The following DNAH7 variants were observed in gnomAD, a reference collection of about 807,000 sequenced individuals.
DNAH7 encodes dynein axonemal heavy chain 7.
In DNAH7, 397 loss-of-function variants were observed where a neutral mutation model predicts 444.6. The ratio of observed to expected loss-of-function variants is 0.89; its 90% CI spans 0.82 to 0.97. The LOEUF is 0.97. DNAH7 is among the 50% of genes least tolerant of loss of function. The pLI is 0.00. For missense variants in DNAH7, 4,902 were observed against 4,800.8 expected (o/e 1.02, Z -0.62); for synonymous variants, 1,636 against 1,624.4 (o/e 1.01, Z -0.17).
intron 15 of DNAH7, among the ~76,000 whole-genome samples, chr2:195,973,405 ATTCC>A (rs1352685419): frequency 6.6e-6 from 1 of 152,004 alleles, no homozygotes; most frequent in Non-Finnish European, 1.5e-5. Context: ...TTTACTGTAA[ATTCC>A]ACTTTTTCCT....
At chr2:196,003,512 T>C (rs1280767483) in intron 10 of DNAH7, among the ~76,000 whole-genome samples, 1 of 152,184 alleles carries the variant, frequency 6.6e-6, no homozygotes, top group Non-Finnish European at 1.5e-5. Context: ...AATAGATCAG[T>C]GAAGGAAAAG....
intron 24 of DNAH7, 80 bp from the exon 25 acceptor site, chr2:195,910,275 A>C: frequency 1.6e-6 from 2 of 1,233,816 alleles, no homozygotes; most frequent in Admixed American, 3.0e-5. Context: ...GAAAAAGGTT[A>C]AATTGAGAAC....
At position 195,856,827 on chromosome 2, in the gene DNAH7, AT is replaced by A. The variant is rs892202646; in HGVS notation, c.8414+549del. 1.1e-4 allele frequency among the ~76,000 whole-genome samples: 17 copies of A among 151,666 alleles called. No homozygotes were observed. The South Asian group carries it at 1.7e-3, about 15-fold the overall frequency. ...CAACTAAACCTCTGTGTGATGGTGG[AT>A]TTTTTTTTAATATACTTTAATTAAA... On this transcript the variant is annotated intron_variant, in intron 44 of 64. Transcript: ENST00000312428.
chr2:196,040,215 A>G (rs13422736), intron 5 of DNAH7, among the ~76,000 whole-genome samples: 2 of 152,192 alleles, frequency 1.3e-5, no homozygotes, highest in African/African-American at 4.8e-5. Flanking sequence ...TTCCTAACTC[A>G]TTCTACAAGG....
chr2:195,877,444 T>A (rs1701126446), intron 36 of DNAH7, among the ~76,000 whole-genome samples: 1 of 152,252 alleles, frequency 6.6e-6, no homozygotes, highest in South Asian at 2.1e-4. Flanking sequence ...TTGCATTAAA[T>A]GCTTGCAGCA....
chr2:195,923,653 T>G lies in DNAH7; in HGVS notation c.3767A>C (p.Lys1256Thr). The G allele has an allele frequency of 1.9e-6, 3 of 1,614,172 alleles. No homozygotes were observed. The highest frequency in any genetic ancestry group is 2.5e-6 in the Non-Finnish European group (3 of 1,180,014). ...AAAGTCAGAGTCATCGCTAATATTT[T>G]TTTTTACAAGTGATGAGAGGACATC... is the stretch of plus-strand genomic sequence containing the variant. Reference protein sequence around the residue: ...ARDVLSSLVKKNISDDSDFEW... With the variant: ...ARDVLSSLVKTNISDDSDFEW... Residue 1256 changes from lysine (K) to threonine (T), a missense_variant, in exon 23 of 65, where the codon AAA (lysine) becomes ACA (threonine). Physicochemically the swap from Lys to Thr is moderately conservative, Grantham distance 78 (BLOSUM62 -1). Coordinates refer to ENST00000312428, the MANE Select transcript of DNAH7 (RefSeq NM_018897.3).
At position 195,865,956 on chromosome 2, in the gene DNAH7, G is replaced by A. The variant is rs543220071; in HGVS notation, c.6634-935C>T. ...GGCCATGTGAGGACACAGAGACAAGGTGGCTTTAGCAAGCCAGCGTGAGAA... is the reference window on the plus strand; with the variant it reads ...GGCCATGTGAGGACACAGAGACAAGATGGCTTTAGCAAGCCAGCGTGAGAA... On this transcript the variant is annotated intron_variant, in intron 40 of 64. Coordinates refer to ENST00000312428, the MANE Select transcript of DNAH7 (RefSeq NM_018897.3). Among the ~76,000 whole-genome samples, 4 of 152,270 alleles carry A rather than the reference G, an allele frequency of 2.6e-5. No homozygotes were observed. In the South Asian group the frequency reaches 8.3e-4, roughly 32 times the overall value.
chr2:195,936,624 G>A lies in DNAH7; in HGVS notation c.3247C>T (p.Leu1083=), dbSNP rs753518251. 5.0e-6 allele frequency: 8 copies of A among 1,599,236 alleles called. No individual in the cohort carries two copies. In the African/African-American group the frequency reaches 8.1e-5, roughly 16 times the overall value. The change falls in exon 20 of 65, where the codon CTA becomes TTA. Residue 1083 remains leucine (L), a synonymous_variant. Coordinates refer to ENST00000312428, the MANE Select transcript of DNAH7 (RefSeq NM_018897.3). ...FLSNDELLEI[L]SETKDPTRVQ... ...CTAGTGGGATCTTTAGTCTCAGATAGTATCTCAAGAAGTTCATCATTGGAC... is the reference window on the plus strand; with the variant it reads ...CTAGTGGGATCTTTAGTCTCAGATAATATCTCAAGAAGTTCATCATTGGAC...
chr2:195,766,167 A>ATTTTTTTTTTT lies in DNAH7; in HGVS notation c.11433+5482_11433+5492dup, dbSNP rs755912873. Among the ~76,000 whole-genome samples, 257 of 57,324 alleles carry ATTTTTTTTTTT rather than the reference A, an allele frequency of 4.5e-3. 41 individuals carry two copies. The highest frequency in any genetic ancestry group is 5.6e-3 in the Non-Finnish European group (151 of 26,860). The allele number at this position is 57,324 out of a possible 152,430, so 37.6% of individuals were successfully genotyped here. A position where few individuals can be genotyped will look rare whatever the true frequency, so the allele number is the denominator to read the frequency against. ...GTTCTCGTTTAATTTGTGGGAGCTA[A>ATTTTTTTTTTT]TTTTTTTTTTTTTTTTTTTTTTTTG... On this transcript the variant is annotated intron_variant, in intron 61 of 64. Coordinates refer to ENST00000312428, the MANE Select transcript of DNAH7 (RefSeq NM_018897.3).
At chr2:196,057,539 TATGA>T (rs1213757172) in intron 2 of DNAH7, among the ~76,000 whole-genome samples, 1 of 151,366 alleles carries the variant, frequency 6.6e-6, no homozygotes, top group Non-Finnish European at 1.5e-5. Context: ...GTATTATTAA[TATGA>T]ATAAGTACAC....
chr2:195,924,020 G>A (rs368560033), intron 22 of DNAH7, among the ~76,000 whole-genome samples: 128 of 152,152 alleles, frequency 8.4e-4, no homozygotes, highest in African/African-American at 3.0e-3. Flanking sequence ...TGTAATTTGT[G>A]TCTACTCATT....
At chr2:195,807,678 T>A (rs115378386) in intron 53 of DNAH7, among the ~76,000 whole-genome samples, 3 of 152,116 alleles carry the variant, frequency 2.0e-5, no homozygotes. Context: ...GCCATCAGGG[T>A]ACCAGAAGGG....
chr2:195,900,621 G>T, intron 27 of DNAH7, 127 bp from the exon 28 acceptor site: 1 of 827,058 alleles, frequency 1.2e-6, no homozygotes, highest in Non-Finnish European at 1.9e-6. Context: ...GAAGTAGAGA[G>T]TAAAATAGTG....
rs1033946013 is a variant in DNAH7 at position 195,915,550 on chromosome 2, A to G, written c.3936-5355T>C. ...TTAGAGCCAATGAGAAGAAAAGAGT[A>G]TTGAGCAGAATCTTTCTATCTTTCC... On this transcript the variant is annotated intron_variant, in intron 24 of 64. Transcript: ENST00000312428. 5.9e-5 allele frequency among the ~76,000 whole-genome samples: 9 copies of G among 152,308 alleles called. No individual in the cohort carries two copies. The South Asian group carries it at 8.3e-4, about 14-fold the overall frequency.
At position 195,864,658 on chromosome 2, in the gene DNAH7, G is replaced by T; in HGVS notation, c.6997C>A (p.Pro2333Thr). 1 of 1,614,178 alleles carries T rather than the reference G, an allele frequency of 6.2e-7. No homozygotes were observed. Residue 2333 changes from proline (P) to threonine (T), a missense_variant, in exon 41 of 65, where the codon CCT (proline) becomes ACT (threonine). By Grantham distance (38) the Pro-to-Thr change is conservative (BLOSUM62 -1). Transcript: ENST00000312428. ...CCTACTAGGAGAGCATGGCTGCGAG[G>T]CTGCTTCAGGATCCTGGAAATTCTG... ...ISRISRILKQ[P>T]RSHALLVGVG...
intron 21 of DNAH7, among the ~76,000 whole-genome samples, chr2:195,929,075 A>G (rs1255261150): frequency 6.6e-6 from 1 of 152,158 alleles, no homozygotes; most frequent in Non-Finnish European, 1.5e-5. Context: ...TCTATACCCC[A>G]ATAATGTTCA....
rs771013876 is a variant in DNAH7 at position 195,886,167 on chromosome 2, C to A, written c.5512G>T (p.Asp1838Tyr). The A allele has an allele frequency of 1.9e-6, 3 of 1,613,366 alleles. No individual in the cohort carries two copies. The highest frequency in any genetic ancestry group is 2.2e-5 in the South Asian group (2 of 90,856). The change falls in exon 34 of 65, where the codon GAT (aspartate) becomes TAT (tyrosine). Residue 1838 changes from aspartate (D) to tyrosine (Y), a missense_variant. Asp to Tyr is a radical substitution (Grantham distance 160, BLOSUM62 -3). Transcript: ENST00000312428. ...ADEVKLKERNDRETYSLLEGI... is the reference protein window; with the variant it reads ...ADEVKLKERNYRETYSLLEGI... The stretch of plus-strand genomic sequence containing the variant: ...TCAAGCAAAGAGTAAGTTTCTCGAT[C>A]ATTTCTCTCCTTTAGTTTGACTTCA...
chr2:195,907,285 T>A (rs1687087497), intron 25 of DNAH7, among the ~76,000 whole-genome samples: 1 of 152,122 alleles, frequency 6.6e-6, no homozygotes, highest in Non-Finnish European at 1.5e-5. Context: ...TCTCAAAGCC[T>A]TTCCTGCTTT....
chr2:195,737,943 A>G lies in DNAH7; in HGVS notation c.12053T>C (p.Leu4018Pro), dbSNP rs747862419. Reference protein sequence around the residue: ...KEHWIGRGVALLCQLNS With the variant: ...KEHWIGRGVAPLCQLNS ...TGGTTATGAATTAAGTTGACATAACAGTGCTACACCTCGTCCAATCCAGTG... is the reference window on the plus strand; with the variant it reads ...TGGTTATGAATTAAGTTGACATAACGGTGCTACACCTCGTCCAATCCAGTG... Residue 4018 changes from leucine (L) to proline (P), a missense_variant, in exon 65 of 65, where the codon CTG becomes CCG. Coordinates refer to ENST00000312428, the MANE Select transcript of DNAH7 (RefSeq NM_018897.3). 1.9e-6 allele frequency: 3 copies of G among 1,614,078 alleles called. No individual in the cohort carries two copies. The highest frequency in any genetic ancestry group is 2.5e-6 in the Non-Finnish European group (3 of 1,179,916).
Sources: allele counts gnomAD v4.1 joint callset (sites outside exome capture counted in the v4.1 genomes callset), GRCh38; gene constraint gnomAD v4.1.1; transcripts MANE v1.5; gene names NCBI Gene and HGNC (gene_info 2026-07-23, HGNC 2026-07-21).